The following PRIMA1 variants were observed in gnomAD, a reference collection of about 807,000 sequenced individuals.
PRIMA1 encodes the protein proline rich membrane anchor 1.
A neutral mutation model predicts 17.5 loss-of-function variants in PRIMA1; 7 were observed. The observed-to-expected ratio is 0.40, with a 90% CI of 0.23 to 0.75. The LOEUF is 0.75. Ranked by LOEUF, PRIMA1 falls within the 30% of genes least tolerant of loss-of-function variation. The pLI is 0.37. For missense variants in PRIMA1, 200 were observed against 201.8 expected (o/e 0.99, Z 0.05); for synonymous variants, 97 against 77.9 (o/e 1.25, Z -1.29).
At chr14:93,724,499 C>A (rs1460995617) in intron 4 of PRIMA1, among the ~76,000 whole-genome samples, 1 of 152,158 alleles carries the variant, frequency 6.6e-6, no homozygotes, top group Admixed American at 6.5e-5. Flanking sequence ...TCCTACCCAC[C>A]CCTTTTCCAG....
Position 93,779,501 on chromosome 14 carries a change from T to G in PRIMA1, c.94-190A>C, listed in dbSNP as rs185808721. On this transcript the variant is annotated intron_variant, in intron 2 of 4. Coordinates refer to ENST00000393140, the MANE Select transcript of PRIMA1 (RefSeq NM_178013.4). Reference sequence around the variant, plus strand: ...CAATGTTGTTGGCGGTTGGCCTGGCTGGTTGGAGACCAAGGTTTTCTTCCT... The same window carrying G: ...CAATGTTGTTGGCGGTTGGCCTGGCGGGTTGGAGACCAAGGTTTTCTTCCT... Among the ~76,000 whole-genome samples, 222 of 152,296 alleles carry G rather than the reference T, an allele frequency of 1.5e-3. 1 individual carries two copies. The highest frequency in any genetic ancestry group is 4.6e-3 in the African/African-American group (193 of 41,562).
chr14:93,747,461 G>T (rs2076225921), intron 3 of PRIMA1, among the ~76,000 whole-genome samples: 1 of 152,212 alleles, frequency 6.6e-6, no homozygotes, highest in African/African-American at 2.4e-5. Context: ...TTCAAGTTTT[G>T]CTGCAAAAGG....
chr14:93,772,754 T>A (rs1885105245), intron 3 of PRIMA1, among the ~76,000 whole-genome samples: 1 of 152,198 alleles, frequency 6.6e-6, no homozygotes, highest in South Asian at 2.1e-4. Flanking sequence ...TTCTTTCCTG[T>A]TGAAGATGCA....
rs76940865 is a variant in PRIMA1, at chr14:93,728,532, C to T, written c.360-6986G>A. ...CCAGCCCCTGTAGGGTGCAGCTGGCCGGGGCAAGGTGTCTGGGTCTTATCC... is the reference window on the plus strand; with the variant it reads ...CCAGCCCCTGTAGGGTGCAGCTGGCTGGGGCAAGGTGTCTGGGTCTTATCC... On this transcript the variant is annotated intron_variant, in intron 4 of 4. Transcript: ENST00000393140. Among the ~76,000 whole-genome samples the T allele has an allele frequency of 3.2e-3, 483 of 152,152 alleles. 23 individuals are homozygous for T. The East Asian group carries it at 0.082, about 26-fold the overall frequency.
At chr14:93,777,485 T>C (rs1419527143) in intron 3 of PRIMA1, among the ~76,000 whole-genome samples, 1 of 152,128 alleles carries the variant, frequency 6.6e-6, no homozygotes, top group Non-Finnish European at 1.5e-5. Flanking sequence ...TACAGGCGCC[T>C]GCCACCAACG....
In PRIMA1 at chr14:93,721,113, C is replaced by T. The variant is rs1253391300; in HGVS notation, c.*331G>A. Reference sequence around the variant, plus strand: ...TCCCTGCCACAGTAGAAAGACAGATCCCTCTGGCTTCGCCAGTGCGCATGC... The same window carrying T: ...TCCCTGCCACAGTAGAAAGACAGATTCCTCTGGCTTCGCCAGTGCGCATGC... On this transcript the variant is annotated 3_prime_UTR_variant, in exon 5 of 5. Transcript: ENST00000393140. 2.3e-5 allele frequency: 6 copies of T among 257,468 alleles called. No individual in the cohort carries two copies. The highest frequency in any genetic ancestry group is 4.5e-5 in the Non-Finnish European group (6 of 134,658). 15.9% of individuals were successfully genotyped at this position (257,468 alleles called of 1,614,324 possible).
At chr14:93,780,613 T>G (rs1264971873) in intron 2 of PRIMA1, among the ~76,000 whole-genome samples, 1 of 152,194 alleles carries the variant, frequency 6.6e-6, no homozygotes, top group Admixed American at 6.5e-5. Flanking sequence ...CTGGTGGTTT[T>G]AAAAAATACC....
At chr14:93,734,882 G>A (rs767712424) in intron 4 of PRIMA1, among the ~76,000 whole-genome samples, 11 of 152,208 alleles carry the variant, frequency 7.2e-5, no homozygotes, top group Non-Finnish European at 1.6e-4. Flanking sequence ...AGGACAGACA[G>A]GAGGCCCCTC....
chr14:93,767,818 A>T (rs1595217839), intron 3 of PRIMA1, among the ~76,000 whole-genome samples: 1 of 152,308 alleles, frequency 6.6e-6, no homozygotes, highest in South Asian at 2.1e-4. Flanking sequence ...CTAGCAGATC[A>T]GAAAACTGAG....
chr14:93,737,165 G>T, intron 4 of PRIMA1, 76 bp downstream of exon 4: 1 of 1,405,376 alleles, frequency 7.1e-7, no homozygotes, highest in Non-Finnish European at 9.9e-7. Flanking sequence ...ATAATGATAC[G>T]GGATGTGTGT....
chr14:93,728,057 T>C lies in PRIMA1; in HGVS notation c.360-6511A>G, dbSNP rs558750848. On this transcript the variant is annotated intron_variant, in intron 4 of 4. Coordinates refer to ENST00000393140, the MANE Select transcript of PRIMA1 (RefSeq NM_178013.4). ...AGCAAACAAGGAGGCTGAGGGGGTG[T>C]CTCCCCAAGAGAAGCGGCCCATCCC... is the stretch of plus-strand genomic sequence containing the variant. Among the ~76,000 whole-genome samples, 146 of 152,114 alleles carry C rather than the reference T, an allele frequency of 9.6e-4. 1 individual carries two copies. The highest frequency in any genetic ancestry group is 3.2e-3 in the African/African-American group (133 of 41,486).
At chr14:93,763,246 G>T (rs575291185) in intron 3 of PRIMA1, among the ~76,000 whole-genome samples, 1 of 152,276 alleles carries the variant, frequency 6.6e-6, no homozygotes, top group South Asian at 2.1e-4. Flanking sequence ...TGCCTCCCGA[G>T]CCTCAGCTTC....
intron 2 of PRIMA1, among the ~76,000 whole-genome samples, chr14:93,783,763 C>A (rs1159184415): frequency 6.6e-6 from 1 of 152,212 alleles, no homozygotes; most frequent in Non-Finnish European, 1.5e-5. Flanking sequence ...TGAGAGTGGG[C>A]TGAGGCACAG....
At chr14:93,768,702 T>G (rs1884964239) in intron 3 of PRIMA1, among the ~76,000 whole-genome samples, 1 of 152,200 alleles carries the variant, frequency 6.6e-6, no homozygotes, top group South Asian at 2.1e-4. Flanking sequence ...TTGCAAGCTT[T>G]GATTATTTGC....
At position 93,773,641 on chromosome 14, in the gene PRIMA1, G is replaced by A. The variant is rs545110062; in HGVS notation, c.229+5535C>T. Among the ~76,000 whole-genome samples, 8 of 152,328 alleles carry A rather than the reference G, an allele frequency of 5.3e-5. No homozygotes were observed. The East Asian group carries it at 9.6e-4, about 18-fold the overall frequency. ...TGGAGATGCTGCTTGAGAACCTTCCGCTTCACCAGATCCCTTTCCTGCTCT... is the reference window on the plus strand; with the variant it reads ...TGGAGATGCTGCTTGAGAACCTTCCACTTCACCAGATCCCTTTCCTGCTCT... On this transcript the variant is annotated intron_variant, in intron 3 of 4. Transcript: ENST00000393140.
At chr14:93,731,661 C>T (rs943670750) in intron 4 of PRIMA1, among the ~76,000 whole-genome samples, 1 of 151,978 alleles carries the variant, frequency 6.6e-6, no homozygotes, top group Non-Finnish European at 1.5e-5. Flanking sequence ...TATTTTTTTT[C>T]TCTTCATAGT....
chr14:93,776,417 C>T (rs1240358503), intron 3 of PRIMA1, among the ~76,000 whole-genome samples: 1 of 152,200 alleles, frequency 6.6e-6, no homozygotes, highest in African/African-American at 2.4e-5. Context: ...CAACCAAGCA[C>T]TCTCCTCTAG....
intron 3 of PRIMA1, among the ~76,000 whole-genome samples, chr14:93,751,418 G>A (rs1255471924): frequency 3.3e-5 from 5 of 152,184 alleles, no homozygotes; most frequent in South Asian, 2.1e-4. Flanking sequence ...CTCTCCTGGG[G>A]AGCACTTCAT....
intron 4 of PRIMA1, among the ~76,000 whole-genome samples, chr14:93,727,794 T>C (rs534731288): frequency 1.4e-3 from 216 of 152,202 alleles, no homozygotes; most frequent in Non-Finnish European, 2.3e-3. Flanking sequence ...TCACAAAACC[T>C]CCCTTCACCT....
Sources: gnomAD v4.1 joint callset for allele counts (sites outside exome capture counted in the v4.1 genomes callset) on GRCh38, gnomAD v4.1.1 for gene constraint, MANE v1.5 for transcripts, NCBI Gene and HGNC (gene_info 2026-07-23, HGNC 2026-07-21) for gene names.